YLPM1: variants seen among roughly 807,000 people sequenced by gnomAD.
The protein encoded by YLPM1 is YLP motif containing 1, also known as YLP motif-containing protein 1.
YLPM1 carries 99 observed loss-of-function variants against 230.0 expected under a neutral mutation model. The ratio of observed to expected loss-of-function variants is 0.43; its 90% CI spans 0.37 to 0.51. The LOEUF is 0.51. Among genes scored for constraint, YLPM1 ranks in the 20% least tolerant of loss-of-function variants. YLPM1 has a pLI of 0.00. For synonymous variants in YLPM1, 984 were observed against 942.5 expected, an observed-to-expected ratio of 1.04 and a Z score of -0.81; for missense variants, 2,592 against 2,707.7, an observed-to-expected ratio of 0.96 and a Z score of 0.95.
chr14:74,763,767 C>CG lies in YLPM1; in HGVS notation c.284dup (p.Gly96ArgfsTer53), dbSNP rs773058360. On this transcript the variant is annotated frameshift_variant, in exon 1 of 21. Transcript: ENST00000325680. LOFTEE classifies it high-confidence loss of function. ...CCTCTGCCGCCCCCGCCAGTGATGC[C>CG]GGGGGGCGGCTACGGAGACTGGCAG... 8.7e-6 allele frequency: 13 copies of CG among 1,497,346 alleles called. No homozygotes were observed. Among genetic ancestry groups the CG allele is most frequent in the Non-Finnish European group, 8.9e-6 (10 of 1,124,822 alleles). 92.8% of individuals were successfully genotyped at this position (1,497,346 alleles called of 1,614,324 possible). A position where few individuals can be genotyped will look rare whatever the true frequency, so the allele number is the denominator to read the frequency against.
Position 74,810,219 on chromosome 14 carries a change from T to C in YLPM1, c.5033-6T>C. On this transcript the variant is annotated splice_polypyrimidine_tract_variant and splice_region_variant and intron_variant, in intron 8 of 20. Transcript: ENST00000325680. ...TATAGTTATTTTGTACTAATTGTTT[T>C]TGTAGAGCATGCAGGCCAACGTGAT... 1.2e-6 allele frequency: 2 copies of C among 1,612,766 alleles called. No homozygotes were observed. Among genetic ancestry groups the C allele is most frequent in the Non-Finnish European group, 1.7e-6 (2 of 1,179,170 alleles).
chr14:74,782,012 T>C lies in YLPM1; in HGVS notation c.1969T>C (p.Ser657Pro). The C allele has an allele frequency of 6.2e-7, 1 of 1,613,894 alleles. No homozygotes were observed. The highest frequency in any genetic ancestry group is 8.5e-7 in the Non-Finnish European group (1 of 1,179,848). ...TAAPVPPASS[S>P]QSSQVPEKPR... ...AGCCCCAGTTCCACCAGCCTCCAGTTCACAGAGCTCGCAAGTTCCAGAGAA... is the reference window on the plus strand; with the variant it reads ...AGCCCCAGTTCCACCAGCCTCCAGTCCACAGAGCTCGCAAGTTCCAGAGAA... The change falls in exon 4 of 21, where the codon TCA becomes CCA. Residue 657 changes from serine to proline, a missense_variant. Around this residue, in one of 4 missense-constraint regions of YLPM1, gnomAD observed 1,862 missense variants for 1,819.8 expected, o/e 1.02. Transcript: ENST00000325680.
chr14:74,789,191 A>G (rs938057272), intron 4 of YLPM1, among the ~76,000 whole-genome samples: 2 of 151,754 alleles, frequency 1.3e-5, no homozygotes, highest in African/African-American at 4.8e-5. Context: ...TAGGTCCTCC[A>G]ATTCTGTGCT....
At chr14:74,775,062 AT>A (rs1435027106) in intron 1 of YLPM1, among the ~76,000 whole-genome samples, 1 of 152,234 alleles carries the variant, frequency 6.6e-6, no homozygotes, top group African/African-American at 2.4e-5. Flanking sequence ...ACCATCTGTA[AT>A]TATATCCTGG....
chr14:74,833,428 T>G (rs766623996), intron 19 of YLPM1, among the ~76,000 whole-genome samples: 14 of 152,086 alleles, frequency 9.2e-5, no homozygotes, highest in Non-Finnish European at 1.9e-4. Context: ...AATTTTTGTA[T>G]TTTTAGTAGA....
rs2091081912 is a variant in YLPM1 at position 74,780,475 on chromosome 14, A to G, written c.1181A>G (p.Gln394Arg). 1.2e-6 allele frequency: 2 copies of G among 1,614,004 alleles called. No individual in the cohort carries two copies. The highest frequency in any genetic ancestry group is 1.7e-6 in the Non-Finnish European group (2 of 1,179,878). The change falls in exon 3 of 21, where the codon CAG becomes CGG. Residue 394 changes from glutamine to arginine, a missense_variant. Around this residue, in one of 4 missense-constraint regions of YLPM1, gnomAD observed 1,862 missense variants for 1,819.8 expected, o/e 1.02. Transcript: ENST00000325680. The stretch of plus-strand genomic sequence containing the variant: ...GCAGCAGCACACTGGCAGCAGCACC[A>G]GCAGCATCGAGTCGGTTTCCAGTAT... ...QAAAAHWQQH[Q>R]QHRVGFQYQG...
intron 18 of YLPM1, chr14:74,827,578 C>G: frequency 1.0e-6 from 1 of 985,352 alleles, no homozygotes; most frequent in Admixed American, 6.2e-5. Flanking sequence ...TCACACTGCC[C>G]TTCTGTATTG....
At chr14:74,804,594 A>G (rs1217747839) in intron 6 of YLPM1, among the ~76,000 whole-genome samples, 1 of 152,156 alleles carries the variant, frequency 6.6e-6, no homozygotes, top group Admixed American at 6.5e-5. Flanking sequence ...ATGTTTGTTT[A>G]TCTTTTACAA....
chr14:74,816,344 C>A, intron 12 of YLPM1, 79 bp downstream of exon 12: 2 of 1,429,536 alleles, frequency 1.4e-6, no homozygotes, highest in Non-Finnish European at 1.9e-6. Flanking sequence ...TAATAGCAAG[C>A]AACATAATGC....
intron 19 of YLPM1, among the ~76,000 whole-genome samples, chr14:74,831,457 A>G (rs1365954281): frequency 1.1e-4 from 17 of 152,240 alleles, no homozygotes; most frequent in Non-Finnish European, 2.9e-5. Flanking sequence ...TTCCTTGCAA[A>G]TAATAAAGTG....
At chr14:74,767,533 G>A (rs1011301239) in intron 1 of YLPM1, among the ~76,000 whole-genome samples, 4 of 152,212 alleles carry the variant, frequency 2.6e-5, no homozygotes, top group Admixed American at 2.6e-4. Flanking sequence ...CCTATGCATT[G>A]TAGGATGTTT....
chr14:74,812,105 T>A (rs2091439810), intron 10 of YLPM1, among the ~76,000 whole-genome samples: 1 of 152,240 alleles, frequency 6.6e-6, no homozygotes. Flanking sequence ...TTTTCATATG[T>A]AAACCTATTT....
At chr14:74,824,328 G>C in intron 18 of YLPM1, 21 bp downstream of exon 18, 2 of 1,608,300 alleles carry the variant, frequency 1.2e-6, no homozygotes, top group Non-Finnish European at 1.7e-6. Flanking sequence ...CCTTTTTCCT[G>C]TTTTTATATG....
intron 6 of YLPM1, 118 bp from the exon 7 acceptor site, chr14:74,809,262 G>A: frequency 7.5e-7 from 1 of 1,338,780 alleles, no homozygotes; most frequent in Admixed American, 3.6e-5. Context: ...ACGAAATTTT[G>A]AATGAGTCCA....
At chr14:74,821,023 C>CA in intron 16 of YLPM1, 34 bp from the exon 17 acceptor site, 1 of 1,412,514 alleles carries the variant, frequency 7.1e-7, no homozygotes, top group Non-Finnish European at 9.3e-7. Context: ...AATGTTAACT[C>CA]AGTCTTTTTT....
chr14:74,803,878 C>A (rs1396526792), intron 6 of YLPM1, among the ~76,000 whole-genome samples: 1 of 152,158 alleles, frequency 6.6e-6, no homozygotes, highest in Non-Finnish European at 1.5e-5. Flanking sequence ...AAATTCTCGG[C>A]CAGGCGCGGT....
At chr14:74,809,037 C>A (rs958791281) in intron 6 of YLPM1, among the ~76,000 whole-genome samples, 2 of 150,840 alleles carry the variant, frequency 1.3e-5, no homozygotes, top group East Asian at 1.9e-4. Context: ...TGGTGAGCAT[C>A]TTTTCATGTG....
rs1351137534 is a variant in YLPM1 at position 74,795,681 on chromosome 14, A to C, written c.2283-1899A>C. Among the ~76,000 whole-genome samples the C allele has an allele frequency of 3.3e-5, 5 of 152,346 alleles. No individual in the cohort carries two copies. In the East Asian group the frequency reaches 7.7e-4, roughly 23 times the overall value. On this transcript the variant is annotated intron_variant, in intron 4 of 20. Coordinates refer to ENST00000325680, the MANE Select transcript of YLPM1 (RefSeq NM_019589.3). ...TACCCAAATTGTAAAGATGATCTTT[A>C]AACTTTTTGTCTCTGTCCACTATTT...
At chr14:74,770,371 C>T (rs149928072) in intron 1 of YLPM1, among the ~76,000 whole-genome samples, 4,418 of 150,800 alleles carry the variant, frequency 0.029, 145 homozygotes, top group African/African-American at 0.079. Context: ...TGCCTGTAAT[C>T]TCAGCACTTT....
Sources: allele counts gnomAD v4.1 joint callset (sites outside exome capture counted in the v4.1 genomes callset), GRCh38; gene constraint gnomAD v4.1.1; regional missense constraint gnomAD v4.1.1; transcripts MANE v1.5; gene names NCBI Gene and HGNC (gene_info 2026-07-23, HGNC 2026-07-21).